Variants in DOCK7 observed in about 807,000 individuals in gnomAD.
DOCK7 encodes the protein dedicator of cytokinesis protein 7.
In DOCK7, 138 loss-of-function variants were observed where a neutral mutation model predicts 271.0. The ratio of observed to expected loss-of-function variants is 0.51; its 90% CI spans 0.44 to 0.59. The LOEUF (loss-of-function observed/expected upper bound fraction) is 0.59. DOCK7 is among the 20% of genes least tolerant of loss of function. The pLI is 0.00. For synonymous variants in DOCK7, 823 were observed against 876.1 expected (o/e 0.94, Z 1.07); for missense variants, 2,066 against 2,592.4 (o/e 0.80, Z 4.41).
intron 14 of DOCK7, among the ~76,000 whole-genome samples, chr1:62,589,798 C>T (rs1571669717): frequency 6.7e-6 from 1 of 150,036 alleles, no homozygotes; most frequent in South Asian, 2.1e-4. Flanking sequence ...CATTTAATGG[C>T]GTGAACCCGG....
At chr1:62,476,741 A>T (rs1399219511) in intron 44 of DOCK7, among the ~76,000 whole-genome samples, 1 of 152,256 alleles carries the variant, frequency 6.6e-6, no homozygotes, top group Non-Finnish European at 1.5e-5. Flanking sequence ...GGATGAAGCT[A>T]TTCAAAAGGA....
At chr1:62,538,734 A>T (rs1166102390) in intron 27 of DOCK7, among the ~76,000 whole-genome samples, 4 of 152,222 alleles carry the variant, frequency 2.6e-5, no homozygotes, top group Non-Finnish European at 5.9e-5. Context: ...CAAAATTCTA[A>T]ATATTAGACT....
At position 62,457,573 on chromosome 1, in the gene DOCK7, C is replaced by T. The variant is rs1239394709; in HGVS notation, c.6345G>A (p.Gln2115=). The T allele has an allele frequency of 6.2e-7, 1 of 1,614,098 alleles. No individual in the cohort carries two copies. Among genetic ancestry groups the T allele is most frequent in the African/African-American group, 1.3e-5 (1 of 75,014 alleles). ...TGACAGGCAATACTGCCTTGTATAA[C>T]TGAGGGATCTTTCTGTTGATCAGTG... ...LQPLINRKIP[Q]LYKAVLPVTC... The change falls in exon 49 of 50, where the codon CAG becomes CAA. Residue 2115 remains glutamine, a synonymous_variant. Coordinates refer to ENST00000635253, the MANE Select transcript of DOCK7 (RefSeq NM_001367561.1).
At chr1:62,583,121 T>C in intron 16 of DOCK7, 63 bp downstream of exon 16, 1 of 1,325,880 alleles carries the variant, frequency 7.5e-7, no homozygotes, top group Non-Finnish European at 1.1e-6. Flanking sequence ...AACACACTAA[T>C]GTGAGTGCTA....
At chr1:62,683,315 A>T (rs1051242266) in intron 1 of DOCK7, among the ~76,000 whole-genome samples, 1 of 152,210 alleles carries the variant, frequency 6.6e-6, no homozygotes, top group African/African-American at 2.4e-5. Flanking sequence ...AGTTGGTAAT[A>T]TATGGAACTA....
chr1:62,638,550 T>TATATATTTTTTCATGA (rs1372833636), intron 7 of DOCK7, among the ~76,000 whole-genome samples: 4 of 148,978 alleles, frequency 2.7e-5, no homozygotes, highest in Non-Finnish European at 3.0e-5. Flanking sequence ...TTCATGAATA[T>TATATATTTTTTCATGA]ATATATTTTT....
At chr1:62,630,335 G>C (rs1365609229) in intron 11 of DOCK7, among the ~76,000 whole-genome samples, 2 of 152,076 alleles carry the variant, frequency 1.3e-5, no homozygotes, top group Non-Finnish European at 2.9e-5. Context: ...GTGGTTTTCG[G>C]TCCAGCTCGC....
At chr1:62,597,576 A>G (rs760521061) in intron 14 of DOCK7, 1 of 1,612,782 alleles carries the variant, frequency 6.2e-7, no homozygotes, top group South Asian at 1.1e-5. Flanking sequence ...AATGTTCACA[A>G]TTAAGCTCCT....
At chr1:62,660,966 G>A (rs1176033637) in intron 2 of DOCK7, among the ~76,000 whole-genome samples, 2 of 152,026 alleles carry the variant, frequency 1.3e-5, no homozygotes. Flanking sequence ...AGGCATGATG[G>A]CATGCGCATG....
At chr1:62,545,585 G>T (rs1055530503) in intron 22 of DOCK7, among the ~76,000 whole-genome samples, 1 of 151,988 alleles carries the variant, frequency 6.6e-6, no homozygotes, top group African/African-American at 2.4e-5. Flanking sequence ...AGAAAAAAAT[G>T]ATACCTAATA....
intron 7 of DOCK7, among the ~76,000 whole-genome samples, chr1:62,647,036 T>C (rs1249807459): frequency 6.6e-6 from 1 of 152,222 alleles, no homozygotes; most frequent in African/African-American, 2.4e-5. Context: ...ATACAAAGCC[T>C]TAGCTTTCAA....
chr1:62,628,860 TA>T (rs1210948480), intron 11 of DOCK7: 2 of 152,054 alleles, frequency 1.3e-5, no homozygotes, highest in East Asian at 3.9e-4. Flanking sequence ...AAACCCCATT[TA>T]AAAAATAGGC....
rs371225987 is a variant in DOCK7 at position 62,513,926 on chromosome 1, C to T, written c.3937-28G>A. On this transcript the variant is annotated intron_variant, in intron 31 of 49. Coordinates refer to ENST00000635253, the MANE Select transcript of DOCK7 (RefSeq NM_001367561.1). ...GAAAATAAAGAGCAGTAGAATGAGA[C>T]AGATTGATCAAAGACCATTTCTTGT... is the stretch of plus-strand genomic sequence containing the variant. 7.9e-5 allele frequency: 124 copies of T among 1,576,232 alleles called. 1 individual carries two copies. In the Middle Eastern group the frequency reaches 1.4e-3, roughly 17 times the overall value.
intron 35 of DOCK7, among the ~76,000 whole-genome samples, chr1:62,506,866 G>A (rs1277930407): frequency 6.6e-6 from 1 of 151,030 alleles, no homozygotes; most frequent in African/African-American, 2.4e-5. Context: ...AGAATCACTT[G>A]AACCCGGGAG....
At chr1:62,601,712 T>C in intron 14 of DOCK7, 1 of 1,210,528 alleles carries the variant, frequency 8.3e-7, no homozygotes, top group South Asian at 1.3e-5. Flanking sequence ...AATCTCAAGC[T>C]CCAAAGATAT....
intron 41 of DOCK7, among the ~76,000 whole-genome samples, chr1:62,490,228 G>A (rs1038371428): frequency 6.6e-6 from 1 of 151,620 alleles, no homozygotes; most frequent in Non-Finnish European, 1.5e-5. Flanking sequence ...TCACCACCAT[G>A]CCCAGCTAAT....
chr1:62,555,239 G>C (rs1030098778), intron 21 of DOCK7: 3 of 152,178 alleles, frequency 2.0e-5, no homozygotes, highest in African/African-American at 7.2e-5. Context: ...AACTTTCCTA[G>C]AGAACAATCT....
At chr1:62,682,990 G>A (rs1286613033) in intron 1 of DOCK7, among the ~76,000 whole-genome samples, 20 of 152,204 alleles carry the variant, frequency 1.3e-4, no homozygotes, top group Admixed American at 1.3e-3. Context: ...AGATGGTTAA[G>A]TCACCTATTG....
intron 49 of DOCK7, among the ~76,000 whole-genome samples, chr1:62,457,273 A>T (rs1645374324): frequency 6.6e-6 from 1 of 152,164 alleles, no homozygotes; most frequent in African/African-American, 2.4e-5. Context: ...CCTAATCCAA[A>T]ATTCTGAAAT....
Sources: gnomAD v4.1 joint callset for allele counts (sites outside exome capture counted in the v4.1 genomes callset) on GRCh38, gnomAD v4.1.1 for gene constraint, MANE v1.5 for transcripts, NCBI Gene and HGNC (gene_info 2026-07-23, HGNC 2026-07-21) for gene names.